The following LAMA1 variants were observed in gnomAD, a reference collection of about 807,000 sequenced individuals.
LAMA1 encodes the protein laminin subunit alpha-1.
In LAMA1, 219 loss-of-function variants were observed where a neutral mutation model predicts 348.7. That is an observed-to-expected ratio of 0.63 (90% CI 0.56 to 0.70). LAMA1 has a LOEUF of 0.70. Among genes scored for constraint, LAMA1 ranks in the 30% least tolerant of loss-of-function variants. The pLI is 0.00. For synonymous variants in LAMA1, 1,487 were observed against 1,491.0 expected, an observed-to-expected ratio of 1.00 and a Z score of 0.06; for missense variants, 3,744 against 3,888.0, an observed-to-expected ratio of 0.96 and a Z score of 0.99.
At chr18:7,071,312 G>A (rs1367931346) in intron 3 of LAMA1, among the ~76,000 whole-genome samples, 1 of 152,186 alleles carries the variant, frequency 6.6e-6, no homozygotes, top group African/African-American at 2.4e-5. Context: ...GAACTGCTGG[G>A]AAAAGCAGAT....
chr18:6,968,467 G>A (rs1023121905), intron 48 of LAMA1, among the ~76,000 whole-genome samples: 12 of 152,230 alleles, frequency 7.9e-5, no homozygotes, highest in African/African-American at 2.2e-4. Context: ...TTTCCCCTAC[G>A]CCATGAGATG....
intron 56 of LAMA1, 174 bp from the exon 57 acceptor site, chr18:6,955,639 C>T (rs2057572907): frequency 1.4e-6 from 1 of 693,090 alleles, no homozygotes; most frequent in Non-Finnish European, 2.6e-6. Flanking sequence ...CTCGCCAGCG[C>T]TTTATCTCCC....
intron 1 of LAMA1, among the ~76,000 whole-genome samples, chr18:7,098,091 T>A (rs565924302): frequency 1.6e-4 from 24 of 150,220 alleles, no homozygotes; most frequent in African/African-American, 5.6e-4. Flanking sequence ...CCGCAAGTAA[T>A]CCGCCAGCCT....
At position 7,117,676 on chromosome 18, in the gene LAMA1, C is replaced by T; in HGVS notation, c.45G>A (p.Ala15=). The T allele has an allele frequency of 6.3e-7, 1 of 1,598,662 alleles. No homozygotes were observed. The highest frequency in any genetic ancestry group is 1.7e-5 in the Admixed American group (1 of 59,914). ...CGGGCTCACCTCTCTGCCGGCACTG[C>T]GCGGCGACACACAGCAGCAAGACCA... The part of the protein sequence containing the change: ...VLLVLLLCVA[A]QCRQRGLFPA... The change falls in exon 1 of 63, where the codon GCG becomes GCA. Residue 15 remains alanine (A), a synonymous_variant. Transcript: ENST00000389658.
intron 1 of LAMA1, among the ~76,000 whole-genome samples, chr18:7,080,832 T>C (rs2058190660): frequency 6.6e-6 from 1 of 152,054 alleles, no homozygotes; most frequent in South Asian, 2.1e-4. Flanking sequence ...TATCTTAGTA[T>C]GTGCACGTTC....
At position 6,958,458 on chromosome 18, in the gene LAMA1, A is replaced by C; in HGVS notation, c.7964+19T>G. The C allele has an allele frequency of 6.2e-7, 1 of 1,612,880 alleles. No homozygotes were observed. Among genetic ancestry groups the C allele is most frequent in the South Asian group, 1.1e-5 (1 of 91,074 alleles). ...AAGGTCAGAAAGTGCAAGAACATGC[A>C]GAGAGCAGGTACACTTACTCCAAAT... On this transcript the variant is annotated intron_variant, in intron 55 of 62. Transcript: ENST00000389658.
intron 13 of LAMA1, among the ~76,000 whole-genome samples, chr18:7,035,356 G>C (rs550869020): frequency 2.2e-4 from 34 of 152,258 alleles, no homozygotes; most frequent in Middle Eastern, 3.4e-3. Flanking sequence ...AGGCAAAGTG[G>C]CACAGGGAAG....
At chr18:7,022,571 C>A (rs887769663) in intron 19 of LAMA1, among the ~76,000 whole-genome samples, 1 of 152,174 alleles carries the variant, frequency 6.6e-6, no homozygotes, top group African/African-American at 2.4e-5. Flanking sequence ...TTTGTTCTTT[C>A]ACTCCTTCAA....
intron 33 of LAMA1, among the ~76,000 whole-genome samples, chr18:6,996,615 A>G (rs1177911654): frequency 6.6e-6 from 1 of 152,000 alleles, no homozygotes; most frequent in Non-Finnish European, 1.5e-5. Flanking sequence ...TCTATTAAAA[A>G]TAAAAATAAA....
At chr18:6,997,055 CTCTTTT>C (rs201444028) in intron 33 of LAMA1, among the ~76,000 whole-genome samples, 2,221 of 141,484 alleles carry the variant, frequency 0.016, 20 homozygotes, top group African/African-American at 0.03. Context: ...TGCTTTTCTT[CTCTTTT>C]TCTTTTTCTT....
chr18:7,022,916 G>A (rs903706508), intron 19 of LAMA1, among the ~76,000 whole-genome samples: 15 of 152,094 alleles, frequency 9.9e-5, no homozygotes, highest in Middle Eastern at 3.2e-3. Context: ...CTGGCCGCTC[G>A]GGTGGCAGGC....
intron 3 of LAMA1, among the ~76,000 whole-genome samples, chr18:7,075,915 C>A (rs141244375): frequency 6.7e-6 from 1 of 148,700 alleles, no homozygotes; most frequent in South Asian, 2.2e-4. Context: ...CCAGCCTGGG[C>A]GACAGAGTGA....
intron 43 of LAMA1, 99 bp downstream of exon 43, chr18:6,978,097 T>C: frequency 6.7e-7 from 1 of 1,503,338 alleles, no homozygotes; most frequent in Non-Finnish European, 9.3e-7. Context: ...TACTTCTACT[T>C]TTCAGGAATG....
rs907326674 is a variant in LAMA1, at chr18:6,949,034, A to G, written c.8556+67T>C. The stretch of plus-strand genomic sequence containing the variant: ...TTTAAACATAAAGATGCCGTGAGGT[A>G]TGCTCTTCTACAAAATAAACACGAA... On this transcript the variant is annotated intron_variant, in intron 59 of 62. Coordinates refer to ENST00000389658, the MANE Select transcript of LAMA1 (RefSeq NM_005559.4). 5.0e-6 allele frequency: 8 copies of G among 1,584,834 alleles called. No homozygotes were observed. In the African/African-American group the frequency reaches 1.1e-4, roughly 21 times the overall value.
chr18:7,021,819 AT>A (rs1568034604), intron 19 of LAMA1, among the ~76,000 whole-genome samples: 3 of 108,494 alleles, frequency 2.8e-5, no homozygotes, highest in African/African-American at 1.7e-4. Flanking sequence ...TATATAATAT[AT>A]ATTATATAAT....
At chr18:7,062,451 C>T (rs993881988) in intron 3 of LAMA1, among the ~76,000 whole-genome samples, 6 of 152,108 alleles carry the variant, frequency 3.9e-5, no homozygotes, top group African/African-American at 1.4e-4. Context: ...TCGGCCATCA[C>T]GCAGATGTTT....
intron 1 of LAMA1, among the ~76,000 whole-genome samples, chr18:7,091,671 C>A (rs1219156202): frequency 6.6e-6 from 1 of 152,202 alleles, no homozygotes; most frequent in Non-Finnish European, 1.5e-5. Context: ...GAGTATGTGA[C>A]CTGCACAATC....
chr18:6,980,203 C>T (rs548219898), intron 42 of LAMA1, among the ~76,000 whole-genome samples: 28 of 152,310 alleles, frequency 1.8e-4, no homozygotes, highest in African/African-American at 6.5e-4. Flanking sequence ...TCTTTACTTG[C>T]TGACTTCTTT....
chr18:7,027,803 C>T (rs1345776169), intron 16 of LAMA1, among the ~76,000 whole-genome samples: 3 of 151,976 alleles, frequency 2.0e-5, no homozygotes, highest in East Asian at 1.9e-4. Flanking sequence ...ATTAGCCGGG[C>T]GTGGTGGTGT....
Sources: allele counts gnomAD v4.1 joint callset (sites outside exome capture counted in the v4.1 genomes callset), GRCh38; gene constraint gnomAD v4.1.1; transcripts MANE v1.5; gene names NCBI Gene and HGNC (gene_info 2026-07-23, HGNC 2026-07-21).